Variants in CATIP observed in about 807,000 individuals in gnomAD.
The protein encoded by CATIP is ciliogenesis associated TTC17 interacting protein, also known as ciliogenesis-associated TTC17-interacting protein.
CATIP carries 40 observed loss-of-function variants against 42.5 expected under a neutral mutation model. That is an observed-to-expected ratio of 0.94 (90% CI 0.73 to 1.22). The LOEUF is 1.22. CATIP is among the 50% of genes most tolerant of loss of function. The pLI, the probability that CATIP is intolerant of heterozygous loss-of-function variation, is 0.00. For synonymous variants in CATIP, 222 were observed against 200.2 expected (o/e 1.11, Z -0.92); for missense variants, 489 against 496.0 (o/e 0.99, Z 0.13).
intron 5 of CATIP, among the ~76,000 whole-genome samples, 190 bp from the exon 6 acceptor site, chr2:218,362,545 T>C (rs1695272370): frequency 6.6e-6 from 1 of 151,726 alleles, no homozygotes; most frequent in Non-Finnish European, 1.5e-5. Flanking sequence ...AGGCAGGAGA[T>C]CGCTTGAACC....
intron 2 of CATIP, 91 bp downstream of exon 2, chr2:218,357,278 TC>T: frequency 1.2e-6 from 1 of 858,292 alleles, no homozygotes; most frequent in South Asian, 1.6e-5. Flanking sequence ...TCTCTCTCTC[TC>T]TCTCTCTCTC....
chr2:218,364,622 T>C lies in CATIP; in HGVS notation c.631-6T>C. On this transcript the variant is annotated splice_polypyrimidine_tract_variant and splice_region_variant and intron_variant, in intron 6 of 9. Coordinates refer to ENST00000289388, the MANE Select transcript of CATIP (RefSeq NM_198559.2). Reference sequence around the variant, plus strand: ...CCTCCCACCCCCCAATTTTGGCTGTTGCCAGCAAAACCTGGGCTTCCAGAC... The same window carrying C: ...CCTCCCACCCCCCAATTTTGGCTGTCGCCAGCAAAACCTGGGCTTCCAGAC... 1 of 1,613,350 alleles carries C rather than the reference T, an allele frequency of 6.2e-7. No homozygotes were observed. The highest frequency in any genetic ancestry group is 8.5e-7 in the Non-Finnish European group (1 of 1,179,594).
intron 1 of CATIP, 55 bp downstream of exon 1, chr2:218,356,964 C>A: frequency 6.2e-7 from 1 of 1,607,258 alleles, no homozygotes; most frequent in Non-Finnish European, 8.5e-7. Context: ...TCTTCCCAAT[C>A]CACCCTCGGG....
chr2:218,357,259 G>C (rs1441162438), intron 2 of CATIP, 72 bp downstream of exon 2: 89 of 607,594 alleles, frequency 1.5e-4, no homozygotes, highest in South Asian at 5.4e-4. Context: ...AGAAAGTCCA[G>C]TCTCTCTCTC....
At chr2:218,358,267 G>A (rs1317052965) in intron 4 of CATIP, among the ~76,000 whole-genome samples, 175 bp downstream of exon 4, 1 of 152,184 alleles carries the variant, frequency 6.6e-6, no homozygotes. Context: ...TCAGAAAACT[G>A]ATTTTAAAAC....
intron 4 of CATIP, 132 bp downstream of exon 4, chr2:218,358,224 A>T: frequency 1.4e-6 from 1 of 738,764 alleles, no homozygotes; most frequent in Non-Finnish European, 2.3e-6. Flanking sequence ...CAATCGTGTT[A>T]TGATGCAATG....
chr2:218,365,451 A>C (rs1407402935), intron 7 of CATIP: 5 of 151,646 alleles, frequency 3.3e-5, no homozygotes, highest in South Asian at 2.1e-4. Flanking sequence ...CAGGTGGAAG[A>C]AAGAGTTTCT....
At position 218,364,654 on chromosome 2, in the gene CATIP, G is replaced by A; in HGVS notation, c.657G>A (p.Gln219=). ...TYQNLGFQTI[Q]VDHQQAEVFI... ...AAAACCTGGGCTTCCAGACCATCCA[G>A]GTAGACCATCAGCAGGCTGAAGTCT... The change falls in exon 7 of 10, where the codon CAG becomes CAA. Residue 219 remains glutamine, a synonymous_variant. Transcript: ENST00000289388. 2 of 1,614,062 alleles carry A rather than the reference G, an allele frequency of 1.2e-6. No homozygotes were observed. Among genetic ancestry groups the A allele is most frequent in the Non-Finnish European group, 1.7e-6 (2 of 1,179,962 alleles).
At chr2:218,365,119 A>G (rs6745172) in intron 7 of CATIP, among the ~76,000 whole-genome samples, 79,800 of 152,012 alleles carry the variant, frequency 0.52, 21,946 homozygotes, top group East Asian at 0.69. Flanking sequence ...GCTCCAAATC[A>G]TAAGAAAATT....
intron 9 of CATIP, 34 bp downstream of exon 9, chr2:218,367,552 T>C (rs371759277): frequency 8.6e-5 from 138 of 1,609,122 alleles, no homozygotes; most frequent in Non-Finnish European, 1.4e-5. Context: ...GGGGTTCCCA[T>C]TCCCCCATGG....
intron 6 of CATIP, 41 bp from the exon 7 acceptor site, chr2:218,364,587 A>T: frequency 6.2e-7 from 1 of 1,608,898 alleles, no homozygotes; most frequent in Non-Finnish European, 8.5e-7. Flanking sequence ...CTTGGCGGGC[A>T]TCCACCTTAC....
chr2:218,359,941 C>T (rs1695177840), intron 4 of CATIP, among the ~76,000 whole-genome samples: 1 of 152,016 alleles, frequency 6.6e-6, no homozygotes, highest in Non-Finnish European at 1.5e-5. Flanking sequence ...TCTCCTGTCT[C>T]AGCCTCCCAA....
rs768952524 is a variant in CATIP, at chr2:218,367,868, G to A, written c.1068G>A (p.Pro356=). The change falls in exon 10 of 10, where the codon CCG becomes CCA. Residue 356 remains proline (P), a synonymous_variant. Coordinates refer to ENST00000289388, the MANE Select transcript of CATIP (RefSeq NM_198559.2). ...FAAEFFGPFD[P]WRPSSPALGS... ...CCGAGTTCTTCGGCCCCTTCGACCC[G>A]TGGCGTCCGTCGTCACCGGCCTTGG... is the stretch of plus-strand genomic sequence containing the variant. The A allele has an allele frequency of 1.9e-6, 3 of 1,612,986 alleles. No individual in the cohort carries two copies. Among genetic ancestry groups the A allele is most frequent in the Non-Finnish European group, 2.5e-6 (3 of 1,179,866 alleles).
chr2:218,365,281 G>A (rs898344060), intron 7 of CATIP, among the ~76,000 whole-genome samples: 3 of 152,046 alleles, frequency 2.0e-5, no homozygotes, highest in African/African-American at 7.2e-5. Context: ...AAGTGTGGTC[G>A]TGGGCGCCTG....
intron 4 of CATIP, among the ~76,000 whole-genome samples, chr2:218,359,306 C>T: frequency 7.1e-6 from 1 of 141,018 alleles, no homozygotes; most frequent in Non-Finnish European, 1.5e-5. Flanking sequence ...CACACCACTG[C>T]ACTCCAGCCT....
At chr2:218,359,436 A>C (rs2106310185) in intron 4 of CATIP, among the ~76,000 whole-genome samples, 1 of 151,754 alleles carries the variant, frequency 6.6e-6, no homozygotes, top group South Asian at 2.1e-4. Context: ...TAAACAGGTC[A>C]TGTTCACATT....
chr2:218,367,148 G>A, intron 8 of CATIP, 48 bp downstream of exon 8: 1 of 1,421,800 alleles, frequency 7.0e-7, no homozygotes, highest in Non-Finnish European at 9.9e-7. Flanking sequence ...TAAGGGGAGT[G>A]GGGAAACCTG....
chr2:218,357,226 G>A (rs1202248339), intron 2 of CATIP, 39 bp downstream of exon 2: 3 of 1,470,280 alleles, frequency 2.0e-6, no homozygotes, highest in South Asian at 1.2e-5. Flanking sequence ...GTGCGGGAGG[G>A]GTGCAAGTCT....
intron 4 of CATIP, among the ~76,000 whole-genome samples, chr2:218,359,341 C>CAAAAAAAAAAAAAAAAAAAAAA (rs140677940): frequency 2.5e-5 from 2 of 79,712 alleles, no homozygotes; most frequent in African/African-American, 1.0e-4. Context: ...GACTCTGTCT[C>CAAAAAAAAAAAAAAAAAAAAAA]AAAAAAAAAA....
Sources: allele counts gnomAD v4.1 joint callset (sites outside exome capture counted in the v4.1 genomes callset), GRCh38; gene constraint gnomAD v4.1.1; transcripts MANE v1.5; gene names NCBI Gene and HGNC (gene_info 2026-07-23, HGNC 2026-07-21).